KAT6A: variants seen among roughly 807,000 people sequenced by gnomAD.
KAT6A encodes the protein lysine acetyltransferase 6A, also known as histone acetyltransferase KAT6A.
A neutral mutation model predicts 198.4 loss-of-function variants in KAT6A; 9 were observed. The observed-to-expected ratio is 0.05, with a 90% CI of 0.03 to 0.08. The LOEUF is 0.08. Among genes scored for constraint, KAT6A ranks in the 10% least tolerant of loss-of-function variants. The pLI, the probability that KAT6A is intolerant of heterozygous loss-of-function variation, is 1.00. For missense variants in KAT6A, 2,077 were observed against 2,509.9 expected (o/e 0.83, Z 3.69); for synonymous variants, 890 against 883.0 (o/e 1.01, Z -0.14).
At chr8:42,001,032 G>A (rs1316221493) in intron 2 of KAT6A, among the ~76,000 whole-genome samples, 2 of 152,076 alleles carry the variant, frequency 1.3e-5, no homozygotes, top group African/African-American at 4.8e-5. Context: ...GGAAGGAGGA[G>A]GAAGGAGGCT....
chr8:41,938,173 T>C (rs1258395105), intron 15 of KAT6A, among the ~76,000 whole-genome samples: 1 of 152,168 alleles, frequency 6.6e-6, no homozygotes, highest in East Asian at 1.9e-4. Flanking sequence ...ACAACTAATA[T>C]CACAAAATAA....
intron 2 of KAT6A, among the ~76,000 whole-genome samples, chr8:42,032,871 C>CTTTTTTTTTTTTT (rs1163323345): frequency 1.3e-5 from 1 of 76,518 alleles, no homozygotes; most frequent in African/African-American, 5.7e-5. Context: ...AAAACCTTGG[C>CTTTTTTTTTTTTT]TTTTTTTTTT....
chr8:42,044,079 C>A (rs373381007), intron 2 of KAT6A, among the ~76,000 whole-genome samples: 1 of 151,232 alleles, frequency 6.6e-6, no homozygotes, highest in East Asian at 1.9e-4. Context: ...AAAAATTTCC[C>A]TTATAACATG....
intron 8 of KAT6A, among the ~76,000 whole-genome samples, chr8:41,956,310 A>G (rs1218067218): frequency 6.6e-6 from 1 of 152,164 alleles, no homozygotes; most frequent in Non-Finnish European, 1.5e-5. Flanking sequence ...CAGATATATC[A>G]TGGATGCTCT....
intron 2 of KAT6A, among the ~76,000 whole-genome samples, chr8:42,034,100 A>G (rs929001006): frequency 2.0e-5 from 3 of 152,172 alleles, no homozygotes; most frequent in Non-Finnish European, 4.4e-5. Context: ...GAGCTAATTT[A>G]TGAGGAAGAA....
intron 1 of KAT6A, among the ~76,000 whole-genome samples, chr8:42,051,019 G>A (rs1802596589): frequency 6.6e-6 from 1 of 152,134 alleles, no homozygotes; most frequent in Non-Finnish European, 1.5e-5. Flanking sequence ...TAAAAACTTG[G>A]ATCTGCACAG....
At chr8:41,973,387 T>A (rs569148985) in intron 8 of KAT6A, among the ~76,000 whole-genome samples, 148 of 152,080 alleles carry the variant, frequency 9.7e-4, no homozygotes, top group African/African-American at 3.4e-3. Flanking sequence ...CACCGGCTAA[T>A]TTTTGTATTT....
chr8:42,021,350 A>G (rs1826526262), intron 2 of KAT6A, among the ~76,000 whole-genome samples: 1 of 152,204 alleles, frequency 6.6e-6, no homozygotes, highest in Non-Finnish European at 1.5e-5. Context: ...GAAGGAAGTC[A>G]GCACTATTTC....
rs987669282 is a variant in KAT6A, at chr8:41,971,464, G to A, written c.1482+3240C>T. Among the ~76,000 whole-genome samples the A allele has an allele frequency of 3.9e-5, 6 of 152,078 alleles. 1 individual carries two copies. Among genetic ancestry groups the A allele is most frequent in the East Asian group, 3.9e-4 (2 of 5,188 alleles). ...AAGGGCCATCGAGGCAAGGTGCAGC[G>A]ACTGCAAAGGCCCAAGGCAGGCATG... On this transcript the variant is annotated intron_variant, in intron 8 of 16. Transcript: ENST00000265713.
intron 2 of KAT6A, among the ~76,000 whole-genome samples, chr8:42,003,300 A>C (rs543216717): frequency 5.9e-5 from 9 of 152,266 alleles, no homozygotes; most frequent in Non-Finnish European, 1.0e-4. Flanking sequence ...CAGCAGGGCA[A>C]GACATCTTTT....
chr8:41,982,279 A>G (rs1192506915), intron 3 of KAT6A, among the ~76,000 whole-genome samples: 1 of 152,136 alleles, frequency 6.6e-6, no homozygotes, highest in African/African-American at 2.4e-5. Context: ...ATGAATACAT[A>G]TATGTTCATA....
intron 2 of KAT6A, among the ~76,000 whole-genome samples, chr8:41,992,331 G>A (rs1055016026): frequency 2.6e-4 from 39 of 152,272 alleles, no homozygotes; most frequent in African/African-American, 8.7e-4. Flanking sequence ...TGCCATGAAC[G>A]GACAGAGAGC....
In KAT6A at chr8:41,931,407, G is replaced by A. The variant is rs1435657422; in HGVS notation, c.*798C>T. ...GCAAACAGCTTTTCTCTGAGATTCTGCTGTTAATTGAGACTTACAGTATTT... is the reference window on the plus strand; with the variant it reads ...GCAAACAGCTTTTCTCTGAGATTCTACTGTTAATTGAGACTTACAGTATTT... On this transcript the variant is annotated 3_prime_UTR_variant, in exon 17 of 17. Transcript: ENST00000265713. 1 of 209,774 alleles carries A rather than the reference G, an allele frequency of 4.8e-6. No individual in the cohort carries two copies. Among genetic ancestry groups the A allele is most frequent in the African/African-American group, 2.3e-5 (1 of 43,962 alleles). 13.0% of individuals were successfully genotyped at this position (209,774 alleles called of 1,614,324 possible). A position where few individuals can be genotyped will look rare whatever the true frequency, so the allele number is the denominator to read the frequency against.
At chr8:41,958,595 C>T (rs1202121993) in intron 8 of KAT6A, among the ~76,000 whole-genome samples, 1 of 152,114 alleles carries the variant, frequency 6.6e-6, no homozygotes, top group Non-Finnish European at 1.5e-5. Flanking sequence ...ACCCAAAACC[C>T]TTGGACTGGA....
chr8:42,051,553 G>A (rs921413816), intron 1 of KAT6A, among the ~76,000 whole-genome samples: 1 of 144,334 alleles, frequency 6.9e-6, no homozygotes, highest in African/African-American at 2.5e-5. Context: ...CCGCGGCCTG[G>A]GCCGCTCGCC....
chr8:41,943,312 C>CT (rs1822232873), intron 13 of KAT6A, among the ~76,000 whole-genome samples: 1 of 152,212 alleles, frequency 6.6e-6, no homozygotes, highest in Admixed American at 6.5e-5. Context: ...CAAATGCCTC[C>CT]TTTCTTTGTG....
chr8:41,961,725 C>G (rs1191241331), intron 8 of KAT6A, among the ~76,000 whole-genome samples: 2 of 148,212 alleles, frequency 1.3e-5, no homozygotes, highest in Non-Finnish European at 3.0e-5. Context: ...TGCACTCCAG[C>G]CTGGTGACAG....
chr8:41,972,627 A>G (rs1295337151), intron 8 of KAT6A, among the ~76,000 whole-genome samples: 2 of 152,228 alleles, frequency 1.3e-5, no homozygotes, highest in Admixed American at 6.5e-5. Flanking sequence ...CAAAACTGTC[A>G]AGGTCATGAA....
intron 12 of KAT6A, among the ~76,000 whole-genome samples, chr8:41,945,298 G>A (rs1400504175): frequency 6.8e-6 from 1 of 147,208 alleles, no homozygotes; most frequent in African/African-American, 2.5e-5. Flanking sequence ...TTGAGATGGA[G>A]TTTTGCTCGT....
Sources: allele counts gnomAD v4.1 joint callset (sites outside exome capture counted in the v4.1 genomes callset), GRCh38; gene constraint gnomAD v4.1.1; transcripts MANE v1.5; gene names NCBI Gene and HGNC (gene_info 2026-07-23, HGNC 2026-07-21).